The following FAM180A variants were observed in gnomAD, a reference collection of about 807,000 sequenced individuals.
FAM180A encodes family with sequence similarity 180 member A, also known as protein FAM180A.
Under a neutral mutation model 15.3 loss-of-function variants are expected in FAM180A, and 14 were observed. The observed-to-expected ratio is 0.92, with a 90% CI of 0.61 to 1.43. The LOEUF is 1.43. Ranked by LOEUF, FAM180A falls within the 40% of genes most tolerant of loss-of-function variation. The pLI, the probability that FAM180A is intolerant of heterozygous loss-of-function variation, is 0.00. For synonymous variants in FAM180A, 90 were observed against 96.8 expected (o/e 0.93, Z 0.41); for missense variants, 200 against 220.8 (o/e 0.91, Z 0.60).
At chr7:135,744,860 T>C (rs1219463726) in intron 1 of FAM180A, among the ~76,000 whole-genome samples, 2 of 152,208 alleles carry the variant, frequency 1.3e-5, no homozygotes, top group Admixed American at 6.5e-5. Flanking sequence ...AGAGAGGAGA[T>C]GGCTCTGTAT....
chr7:135,745,298 T>C (rs1298197948), intron 1 of FAM180A, among the ~76,000 whole-genome samples: 2 of 152,190 alleles, frequency 1.3e-5, no homozygotes, highest in African/African-American at 4.8e-5. Flanking sequence ...ATTAAACTAC[T>C]TAAAAAATAA....
intron 1 of FAM180A, among the ~76,000 whole-genome samples, chr7:135,742,101 G>A (rs1306937591): frequency 2.6e-5 from 4 of 152,124 alleles, no homozygotes; most frequent in African/African-American, 7.2e-5. Context: ...GGGTAGGGAC[G>A]GCTGCTGGAG....
rs117546178 is a variant in FAM180A at position 135,736,487 on chromosome 7, C to G, written c.177+612G>C. Reference sequence around the variant, plus strand: ...GGCTTATGCAAGGTGGCACAGCGGACGGGAGATAGAGCCAGGACTAAAGCT... The same window carrying G: ...GGCTTATGCAAGGTGGCACAGCGGAGGGGAGATAGAGCCAGGACTAAAGCT... On this transcript the variant is annotated intron_variant, in intron 2 of 3. Transcript: ENST00000338588. 7.2e-3 allele frequency among the ~76,000 whole-genome samples: 1,089 copies of G among 152,276 alleles called. 9 individuals are homozygous for G. The highest frequency in any genetic ancestry group is 9.1e-3 in the Non-Finnish European group (622 of 68,024).
At chr7:135,735,220 A>G (rs186067298) in intron 2 of FAM180A, among the ~76,000 whole-genome samples, 1 of 152,280 alleles carries the variant, frequency 6.6e-6, no homozygotes, top group East Asian at 1.9e-4. Flanking sequence ...CTGATTTTCT[A>G]ACTGATTCTT....
At chr7:135,735,782 A>C (rs1266208852) in intron 2 of FAM180A, among the ~76,000 whole-genome samples, 2 of 152,094 alleles carry the variant, frequency 1.3e-5, no homozygotes, top group East Asian at 1.9e-4. Flanking sequence ...AGATCACTGC[A>C]ACCTCCACCT....
At chr7:135,737,586 C>CAAAA (rs35378393) in intron 1 of FAM180A, among the ~76,000 whole-genome samples, 126 of 82,154 alleles carry the variant, frequency 1.5e-3, no homozygotes, top group Non-Finnish European at 2.2e-3. Context: ...GACTCCATGT[C>CAAAA]AAAAAAAAAA....
intron 2 of FAM180A, among the ~76,000 whole-genome samples, chr7:135,735,684 CT>C (rs1796859768): frequency 6.6e-6 from 1 of 152,144 alleles, no homozygotes; most frequent in Non-Finnish European, 1.5e-5. Context: ...AACTGCATGG[CT>C]ACAGCAAGTT....
chr7:135,747,508 T>C (rs1797047645), intron 1 of FAM180A, among the ~76,000 whole-genome samples: 1 of 152,110 alleles, frequency 6.6e-6, no homozygotes, highest in Non-Finnish European at 1.5e-5. Context: ...GTACAGTAGC[T>C]TTTGCCTCCC....
At chr7:135,737,308 C>G (rs1584751361) in intron 1 of FAM180A, 109 bp from the exon 2 acceptor site, 1 of 833,774 alleles carries the variant, frequency 1.2e-6, no homozygotes, top group East Asian at 2.9e-5. Flanking sequence ...CTGACTTGGC[C>G]AGGCACGGTG....
Position 135,734,247 on chromosome 7 carries a change from G to A in FAM180A, c.250C>T (p.Arg84Trp), listed in dbSNP as rs371261217. The A allele has an allele frequency of 1.8e-5, 29 of 1,613,988 alleles. No homozygotes were observed. The highest frequency in any genetic ancestry group is 3.3e-4 in the Middle Eastern group (2 of 6,084). ...ACGGTGCGGAAGTCTGAGGCCTTCC[G>A]CAAGGAGGCCAGCTCCTCGTCCTTG... is the stretch of plus-strand genomic sequence containing the variant. Reference protein sequence around the residue: ...SIKDEELASLRKASDFRTVCN... With the variant: ...SIKDEELASLWKASDFRTVCN... Residue 84 changes from arginine to tryptophan, a missense_variant, in exon 3 of 4, where the codon CGG becomes TGG. Physicochemically the swap from Arg to Trp is moderately radical, Grantham distance 101. Coordinates refer to ENST00000338588, the MANE Select transcript of FAM180A (RefSeq NM_205855.4).
Position 135,737,034 on chromosome 7 carries a change from A to G in FAM180A, c.177+65T>C, listed in dbSNP as rs992636694. ...CTGAGGGGTCACTTCTCCTTTTCCA[A>G]AAAAGATAGAGAAAGTGCAGAGTCT... On this transcript the variant is annotated intron_variant, in intron 2 of 3. Coordinates refer to ENST00000338588, the MANE Select transcript of FAM180A (RefSeq NM_205855.4). 102 of 1,354,764 alleles carry G rather than the reference A, an allele frequency of 7.5e-5. No homozygotes were observed. In the Middle Eastern group the frequency reaches 9.0e-4, roughly 12 times the overall value. The allele number at this position is 1,354,764 out of a possible 1,614,324, so 83.9% of individuals were successfully genotyped here.
In FAM180A at chr7:135,737,204, A is replaced by G; in HGVS notation, c.77-5T>C. On this transcript the variant is annotated splice_region_variant and splice_polypyrimidine_tract_variant and intron_variant, in intron 1 of 3. Coordinates refer to ENST00000338588, the MANE Select transcript of FAM180A (RefSeq NM_205855.4). ...GGGCGGCAGGGAAGAGCACAGCTGA[A>G]AGAAAGAAAACAGTGAGTTCCTGGC... 1 of 1,586,428 alleles carries G rather than the reference A, an allele frequency of 6.3e-7. No individual in the cohort carries two copies. Among genetic ancestry groups the G allele is most frequent in the Non-Finnish European group, 8.6e-7 (1 of 1,168,552 alleles).
intron 1 of FAM180A, among the ~76,000 whole-genome samples, chr7:135,742,023 G>C (rs998285406): frequency 2.0e-5 from 3 of 152,110 alleles, no homozygotes; most frequent in Non-Finnish European, 4.4e-5. Flanking sequence ...CCCCTGCACT[G>C]GTCCACCAGG....
chr7:135,734,054 C>T lies in FAM180A; in HGVS notation c.443G>A (p.Trp148Ter). 6.2e-7 allele frequency: 1 copy of T among 1,614,202 alleles called. No individual in the cohort carries two copies. Among genetic ancestry groups the T allele is most frequent in the Admixed American group, 1.7e-5 (1 of 60,022 alleles). The change falls in exon 3 of 4, where the codon TGG becomes TAG. Residue 148 changes from tryptophan (W) to a stop codon, truncating the protein, a stop_gained. Coordinates refer to ENST00000338588, the MANE Select transcript of FAM180A (RefSeq NM_205855.4). LOFTEE classifies it high-confidence loss of function. ...ALSHGHQKDIWAQSLVSLFQA... is the reference protein window; with the variant it reads ...ALSHGHQKDI ...GAAGAGGCTAACGAGGGACTGCGCC[C>T]AGATGTCCTTCTGATGGCCGTGGGA...
At chr7:135,731,199 C>T (rs926452522) in intron 3 of FAM180A, among the ~76,000 whole-genome samples, 51 of 151,944 alleles carry the variant, frequency 3.4e-4, no homozygotes, top group African/African-American at 1.1e-3. Context: ...AGCCTCGGGG[C>T]GGGATACAAG....
chr7:135,746,092 T>C (rs1253395707), intron 1 of FAM180A, among the ~76,000 whole-genome samples: 2 of 152,196 alleles, frequency 1.3e-5, no homozygotes, highest in Non-Finnish European at 2.9e-5. Context: ...GACTCAGCGC[T>C]GACTTGAGCC....
Position 135,734,259 on chromosome 7 carries a change from G to C in FAM180A, c.238C>G (p.Leu80Val), listed in dbSNP as rs772314049. 3.7e-6 allele frequency: 6 copies of C among 1,613,870 alleles called. No individual in the cohort carries two copies. In the South Asian group the frequency reaches 4.4e-5, roughly 12 times the overall value. The change falls in exon 3 of 4, where the codon CTG (leucine) becomes GTG (valine). Residue 80 changes from leucine to valine, a missense_variant. Physicochemically the swap from Leu to Val is conservative, Grantham distance 32. Coordinates refer to ENST00000338588, the MANE Select transcript of FAM180A (RefSeq NM_205855.4). Reference protein sequence around the residue: ...DLQISIKDEELASLRKASDFR... With the variant: ...DLQISIKDEEVASLRKASDFR... ...TCTGAGGCCTTCCGCAAGGAGGCCA[G>C]CTCCTCGTCCTTGATGGAGATCTGC...
chr7:135,736,425 T>TA (rs1288675630), intron 2 of FAM180A, among the ~76,000 whole-genome samples: 1 of 152,226 alleles, frequency 6.6e-6, no homozygotes, highest in East Asian at 1.9e-4. Flanking sequence ...TTCTCTCATT[T>TA]AACAGTTGAG....
chr7:135,733,970 G>A lies in FAM180A; in HGVS notation c.*5C>T. The A allele has an allele frequency of 6.3e-7, 1 of 1,585,412 alleles. No individual in the cohort carries two copies. The highest frequency in any genetic ancestry group is 2.2e-5 in the East Asian group (1 of 44,566). On this transcript the variant is annotated 3_prime_UTR_variant, in exon 3 of 4. Coordinates refer to ENST00000338588, the MANE Select transcript of FAM180A (RefSeq NM_205855.4). ...TGCTCTGAGGTCCTGGTGTGGGCCA[G>A]TCTCTCAGGGAGGTACTCCCGGCTG...
Sources: gnomAD v4.1 joint callset for allele counts (sites outside exome capture counted in the v4.1 genomes callset) on GRCh38, gnomAD v4.1.1 for gene constraint, MANE v1.5 for transcripts, NCBI Gene and HGNC (gene_info 2026-07-23, HGNC 2026-07-21) for gene names.